Variants in RNF130 observed in about 807,000 individuals in gnomAD.
RNF130 encodes the protein E3 ubiquitin-protein ligase RNF130.
Under a neutral mutation model 44.6 loss-of-function variants are expected in RNF130, and 21 were observed. That is an observed-to-expected ratio of 0.47 (90% CI 0.33 to 0.68). The LOEUF is 0.68. Ranked by LOEUF, RNF130 falls within the 30% of genes least tolerant of loss-of-function variation. The pLI is 0.02. For missense variants in RNF130, 479 were observed against 560.6 expected, an observed-to-expected ratio of 0.85 and a Z score of 1.47; for synonymous variants, 214 against 210.4, an observed-to-expected ratio of 1.02 and a Z score of -0.15.
intron 1 of RNF130, among the ~76,000 whole-genome samples, chr5:180,056,116 A>C (rs2113169962): frequency 6.6e-6 from 1 of 152,100 alleles, no homozygotes; most frequent in Admixed American, 6.5e-5. Context: ...AAAAAAACAA[A>C]CAAACCATCA....
chr5:180,064,186 G>A (rs890505448), intron 1 of RNF130, among the ~76,000 whole-genome samples: 2 of 152,160 alleles, frequency 1.3e-5, no homozygotes, highest in African/African-American at 4.8e-5. Context: ...AGAGTCTCCT[G>A]AAATACTGTT....
intron 8 of RNF130, among the ~76,000 whole-genome samples, chr5:179,960,449 C>G (rs1413826745): frequency 6.6e-6 from 1 of 152,212 alleles, no homozygotes; most frequent in Non-Finnish European, 1.5e-5. Context: ...TGATTGAAGC[C>G]AACAGCACGA....
At chr5:180,047,926 G>A (rs370398538) in intron 1 of RNF130, among the ~76,000 whole-genome samples, 1 of 151,050 alleles carries the variant, frequency 6.6e-6, no homozygotes, top group Non-Finnish European at 1.5e-5. Flanking sequence ...CAATACTGAC[G>A]CTCCCGAGTA....
intron 3 of RNF130, among the ~76,000 whole-genome samples, chr5:179,988,847 G>C (rs182536158): frequency 6.6e-6 from 1 of 152,310 alleles, no homozygotes; most frequent in South Asian, 2.1e-4. Flanking sequence ...AGGAAAATGT[G>C]TATTCTGCAG....
chr5:180,043,239 C>T (rs533710330), intron 1 of RNF130, among the ~76,000 whole-genome samples: 2 of 152,202 alleles, frequency 1.3e-5, no homozygotes, highest in African/African-American at 2.4e-5. Flanking sequence ...ATGGGAGGAT[C>T]GCTTGAGCCC....
At chr5:179,997,512 T>G (rs1206559176) in intron 3 of RNF130, among the ~76,000 whole-genome samples, 1 of 152,080 alleles carries the variant, frequency 6.6e-6, no homozygotes, top group Non-Finnish European at 1.5e-5. Flanking sequence ...TTATTTTTAG[T>G]AGAGACGGGG....
intron 1 of RNF130, among the ~76,000 whole-genome samples, chr5:180,057,852 C>T (rs892274318): frequency 5.3e-5 from 8 of 152,160 alleles, no homozygotes; most frequent in Non-Finnish European, 1.2e-4. Flanking sequence ...ACGGGAACCT[C>T]CTGAATTGTA....
At chr5:180,016,170 T>C (rs1378342228) in intron 2 of RNF130, among the ~76,000 whole-genome samples, 3 of 152,028 alleles carry the variant, frequency 2.0e-5, no homozygotes, top group Non-Finnish European at 4.4e-5. Flanking sequence ...ACTGGAGTTT[T>C]AGGTCTTAAA....
intron 7 of RNF130, among the ~76,000 whole-genome samples, chr5:179,947,346 G>A (rs992720553): frequency 6.6e-6 from 1 of 152,136 alleles, no homozygotes; most frequent in African/African-American, 2.4e-5. Context: ...CCTAGGACAC[G>A]TCTCTCACCC....
chr5:180,069,130 T>C (rs1359594964), intron 1 of RNF130, among the ~76,000 whole-genome samples: 3 of 152,246 alleles, frequency 2.0e-5, no homozygotes, highest in Non-Finnish European at 4.4e-5. Flanking sequence ...CCTAAGTTCC[T>C]ACTGCAACAG....
chr5:180,071,332 T>A, intron 1 of RNF130, 124 bp downstream of exon 1: 4 of 979,840 alleles, frequency 4.1e-6, no homozygotes, highest in Non-Finnish European at 5.3e-6. Flanking sequence ...GCCTCGACCC[T>A]GGCTGGGGCT....
chr5:180,021,539 G>C lies in RNF130; in HGVS notation c.443-8228C>G, dbSNP rs1264603992. On this transcript the variant is annotated intron_variant, in intron 2 of 8. Transcript: ENST00000521389. Reference sequence around the variant, plus strand: ...TTCAACATAACAATTCTTAAAATGTGCAAAGACAGCCTCCCTGGGTCCCCA... The same window carrying C: ...TTCAACATAACAATTCTTAAAATGTCCAAAGACAGCCTCCCTGGGTCCCCA... Among the ~76,000 whole-genome samples, 12 of 152,102 alleles carry C rather than the reference G, an allele frequency of 7.9e-5. No individual in the cohort carries two copies. The East Asian group carries it at 2.3e-3, about 29-fold the overall frequency.
intron 3 of RNF130, among the ~76,000 whole-genome samples, chr5:179,981,857 G>C (rs1762848394): frequency 6.6e-6 from 1 of 152,130 alleles, no homozygotes; most frequent in South Asian, 2.1e-4. Flanking sequence ...TGTCACGCTG[G>C]TTTTAAACCA....
At chr5:180,017,310 T>C (rs1227649092) in intron 2 of RNF130, among the ~76,000 whole-genome samples, 1 of 152,174 alleles carries the variant, frequency 6.6e-6, no homozygotes, top group African/African-American at 2.4e-5. Context: ...GCAGGCCGGG[T>C]TGTACCTTTA....
chr5:179,926,759 G>T (rs1160365614), intron 7 of RNF130, among the ~76,000 whole-genome samples: 5 of 152,244 alleles, frequency 3.3e-5, no homozygotes, highest in Admixed American at 1.3e-4. Context: ...TAGCCAGTTG[G>T]TCAGAAGCAT....
intron 5 of RNF130, among the ~76,000 whole-genome samples, chr5:179,971,456 G>A (rs577743212): frequency 6.6e-5 from 10 of 152,274 alleles, no homozygotes; most frequent in East Asian, 1.9e-4. Context: ...TGCAAGCTCC[G>A]CCTCCCGGGT....
chr5:179,948,329 C>T (rs1762074205), intron 7 of RNF130, among the ~76,000 whole-genome samples: 1 of 152,212 alleles, frequency 6.6e-6, no homozygotes, highest in African/African-American at 2.4e-5. Flanking sequence ...TCATGGCAGA[C>T]CTGGAATGGT....
At chr5:179,991,116 T>G (rs442181) in intron 3 of RNF130, among the ~76,000 whole-genome samples, 1 of 152,192 alleles carries the variant, frequency 6.6e-6, no homozygotes, top group East Asian at 1.9e-4. Context: ...GAAAATAGCA[T>G]CCCATTCTCT....
chr5:179,914,364 G>A (rs949787166), exon 8 of RNF130: 1 of 152,270 alleles, frequency 6.6e-6, no homozygotes, highest in African/African-American at 2.4e-5. Flanking sequence ...ACACACGAGA[G>A]GAAGTGAGAG....
Sources: gnomAD v4.1 joint callset for allele counts (sites outside exome capture counted in the v4.1 genomes callset) on GRCh38, gnomAD v4.1.1 for gene constraint, MANE v1.5 for transcripts, NCBI Gene and HGNC (gene_info 2026-07-23, HGNC 2026-07-21) for gene names.